The following CTNNA3 variants were observed in gnomAD, a reference collection of about 807,000 sequenced individuals.
CTNNA3 encodes the protein catenin alpha-3.
Under a neutral mutation model 95.7 loss-of-function variants are expected in CTNNA3, and 76 were observed. That is an observed-to-expected ratio of 0.79 (90% CI 0.66 to 0.96). The LOEUF (loss-of-function observed/expected upper bound fraction) is 0.96. Among genes scored for constraint, CTNNA3 ranks in the 40% least tolerant of loss-of-function variants. The pLI, the probability that CTNNA3 is intolerant of heterozygous loss-of-function variation, is 0.00. For synonymous variants in CTNNA3, 431 were observed against 374.4 expected (o/e 1.15, Z -1.74); for missense variants, 1,191 against 1,089.8 (o/e 1.09, Z -1.31).
At chr10:66,688,909 G>T (rs1452966774) in intron 9 of CTNNA3, among the ~76,000 whole-genome samples, 1 of 150,760 alleles carries the variant, frequency 6.6e-6, no homozygotes, top group Non-Finnish European at 1.5e-5. Flanking sequence ...GGGAGGTGGA[G>T]CTTGCAGTGA....
chr10:67,759,174 T>C (rs1393198327), intron 1 of CTNNA3, among the ~76,000 whole-genome samples: 1 of 152,214 alleles, frequency 6.6e-6, no homozygotes, highest in Non-Finnish European at 1.5e-5. Context: ...TTCCATCACT[T>C]TTCACGATAC....
In CTNNA3 at chr10:66,893,900, A is replaced by G. The variant is rs1220523100; in HGVS notation, c.1048-118376T>C. Among the ~76,000 whole-genome samples, 4 of 152,110 alleles carry G rather than the reference A, an allele frequency of 2.6e-5. No individual in the cohort carries two copies. In the East Asian group the frequency reaches 5.8e-4, roughly 22 times the overall value. On this transcript the variant is annotated intron_variant, in intron 7 of 17. Transcript: ENST00000433211. ...ACAAGTTCTTTGCAATAGCAGCACAATTTTTCTCATCCTTATGTTTTTTGT... is the reference window on the plus strand; with the variant it reads ...ACAAGTTCTTTGCAATAGCAGCACAGTTTTTCTCATCCTTATGTTTTTTGT...
chr10:66,898,671 C>T (rs1845600614), intron 7 of CTNNA3, among the ~76,000 whole-genome samples: 1 of 152,154 alleles, frequency 6.6e-6, no homozygotes, highest in Non-Finnish European at 1.5e-5. Flanking sequence ...TTACCTCACA[C>T]TAACTTACCA....
At chr10:66,711,015 C>T (rs534848331) in intron 9 of CTNNA3, among the ~76,000 whole-genome samples, 36 of 152,030 alleles carry the variant, frequency 2.4e-4, no homozygotes, top group African/African-American at 7.0e-4. Flanking sequence ...GCAGTTTATG[C>T]AGTTTTTTCT....
At chr10:66,805,914 T>A (rs750518561) in intron 7 of CTNNA3, among the ~76,000 whole-genome samples, 1 of 152,130 alleles carries the variant, frequency 6.6e-6, no homozygotes, top group South Asian at 2.1e-4. Context: ...GTTCCTGTGA[T>A]ACAAAATGCC....
At chr10:66,938,929 C>G (rs575959223) in intron 7 of CTNNA3, among the ~76,000 whole-genome samples, 1 of 152,128 alleles carries the variant, frequency 6.6e-6, no homozygotes, top group Non-Finnish European at 1.5e-5. Context: ...GATCTCTCCC[C>G]GTCCACATCC....
chr10:67,693,406 A>C (rs1350108524), intron 1 of CTNNA3, among the ~76,000 whole-genome samples: 1 of 152,202 alleles, frequency 6.6e-6, no homozygotes, highest in African/African-American at 2.4e-5. Context: ...ATGATCCATA[A>C]ATAAACACTA....
intron 7 of CTNNA3, among the ~76,000 whole-genome samples, chr10:66,843,873 C>T (rs1843155711): frequency 6.6e-6 from 1 of 152,170 alleles, no homozygotes; most frequent in South Asian, 2.1e-4. Flanking sequence ...CATTCAGAAA[C>T]AGAACCTAAA....
At chr10:66,543,484 G>A in intron 10 of CTNNA3, among the ~76,000 whole-genome samples, 1 of 152,002 alleles carries the variant, frequency 6.6e-6, no homozygotes, top group Non-Finnish European at 1.5e-5. Flanking sequence ...TATTTTAAGT[G>A]AAGAAAAAAA....
At position 65,974,046 on chromosome 10, in the gene CTNNA3, T is replaced by C. The variant is rs375100182; in HGVS notation, c.2266-7300A>G. On this transcript the variant is annotated intron_variant, in intron 16 of 17. Coordinates refer to ENST00000433211, the MANE Select transcript of CTNNA3 (RefSeq NM_013266.4). ...CAAATCAAACCAAAATAAGATACTA[T>C]CTCACACCAGTCAGAATGGCTATTA... Among the ~76,000 whole-genome samples, 3 of 152,180 alleles carry C rather than the reference T, an allele frequency of 2.0e-5. No homozygotes were observed. In the South Asian group the frequency reaches 6.2e-4, roughly 32 times the overall value.
intron 5 of CTNNA3, among the ~76,000 whole-genome samples, chr10:67,411,931 T>C (rs1308412681): frequency 6.6e-6 from 1 of 152,144 alleles, no homozygotes; most frequent in Non-Finnish European, 1.5e-5. Flanking sequence ...TTCTTATTCT[T>C]AACTTTGGTG....
intron 9 of CTNNA3, among the ~76,000 whole-genome samples, chr10:66,712,136 C>A (rs1394107090): frequency 6.6e-6 from 1 of 152,076 alleles, no homozygotes. Context: ...TATTTATTAG[C>A]CACATATGTG....
rs184799507 is a variant in CTNNA3, at chr10:67,215,431, C to T, written c.843+4176G>A. Reference sequence around the variant, plus strand: ...CTTGTGAAAACCATCTTCCTTGGAACCGTATGAGAATTTTTTGAAAGCTGT... The same window carrying T: ...CTTGTGAAAACCATCTTCCTTGGAATCGTATGAGAATTTTTTGAAAGCTGT... On this transcript the variant is annotated intron_variant, in intron 6 of 17. Transcript: ENST00000433211. 2.5e-4 allele frequency among the ~76,000 whole-genome samples: 38 copies of T among 152,226 alleles called. 1 individual carries two copies. In the East Asian group the frequency reaches 7.1e-3, roughly 29 times the overall value.
At chr10:67,443,726 T>C (rs906433467) in intron 5 of CTNNA3, among the ~76,000 whole-genome samples, 3 of 151,866 alleles carry the variant, frequency 2.0e-5, no homozygotes, top group African/African-American at 4.8e-5. Context: ...GTTGTGAAAA[T>C]TTTCTCCCAT....
chr10:66,891,586 G>A (rs997392449), intron 7 of CTNNA3, among the ~76,000 whole-genome samples: 1 of 152,072 alleles, frequency 6.6e-6, no homozygotes, highest in Non-Finnish European at 1.5e-5. Flanking sequence ...GTCATAAGCT[G>A]CTTCTGTACC....
At chr10:66,885,420 C>T (rs1845006802) in intron 7 of CTNNA3, among the ~76,000 whole-genome samples, 1 of 150,774 alleles carries the variant, frequency 6.6e-6, no homozygotes, top group African/African-American at 2.4e-5. Context: ...AATGAGCAAC[C>T]ATATCCTCCT....
intron 15 of CTNNA3, among the ~76,000 whole-genome samples, chr10:66,035,198 GA>G (rs1394070006): frequency 6.6e-6 from 1 of 152,136 alleles, no homozygotes; most frequent in Non-Finnish European, 1.5e-5. Context: ...AGGGTAATTA[GA>G]TGGATAAATA....
At position 66,471,927 on chromosome 10, in the gene CTNNA3, A is replaced by T. The variant is rs564376038; in HGVS notation, c.1531+48690T>A. Among the ~76,000 whole-genome samples the T allele has an allele frequency of 2.0e-5, 3 of 152,110 alleles. No individual in the cohort carries two copies. The East Asian group carries it at 5.8e-4, about 29-fold the overall frequency. On this transcript the variant is annotated intron_variant, in intron 11 of 17. Transcript: ENST00000433211. ...ATGCTCATACACTCAATTTGAAAATATTCCAAATCTTTTATGGGTTAGACT... is the reference window on the plus strand; with the variant it reads ...ATGCTCATACACTCAATTTGAAAATTTTCCAAATCTTTTATGGGTTAGACT...
chr10:67,622,038 T>A lies in CTNNA3; in HGVS notation c.100-14989A>T, dbSNP rs180888191. 7.9e-5 allele frequency among the ~76,000 whole-genome samples: 12 copies of A among 152,252 alleles called. No homozygotes were observed. In the East Asian group the frequency reaches 1.9e-3, roughly 24 times the overall value. On this transcript the variant is annotated intron_variant, in intron 2 of 17. Coordinates refer to ENST00000433211, the MANE Select transcript of CTNNA3 (RefSeq NM_013266.4). ...ACAGTAAAAGTTTGCCAACCACTGG[T>A]CTAGAGTCAGAGTTTTCAAGCTGCA...
Sources: allele counts gnomAD v4.1 joint callset (sites outside exome capture counted in the v4.1 genomes callset), GRCh38; gene constraint gnomAD v4.1.1; transcripts MANE v1.5; gene names NCBI Gene and HGNC (gene_info 2026-07-23, HGNC 2026-07-21).